MTRFR: variants seen among roughly 807,000 people sequenced by gnomAD.
MTRFR encodes probable peptide chain release factor C12orf65, mitochondrial.
MTRFR carries 10 observed loss-of-function variants against 11.9 expected under a neutral mutation model. That is an observed-to-expected ratio of 0.84 (90% CI 0.52 to 1.42). MTRFR has a LOEUF of 1.42. Ranked by LOEUF, MTRFR falls within the 40% of genes most tolerant of loss-of-function variation. The pLI, the probability that MTRFR is intolerant of heterozygous loss-of-function variation, is 0.00. For synonymous variants in MTRFR, 77 were observed against 79.1 expected (o/e 0.97, Z 0.14); for missense variants, 196 against 197.9 (o/e 0.99, Z 0.06).
At chr12:123,234,716 G>A (rs2047811091) in intron 1 of MTRFR, among the ~76,000 whole-genome samples, 1 of 152,140 alleles carries the variant, frequency 6.6e-6, no homozygotes, top group African/African-American at 2.4e-5. Flanking sequence ...GGGTAAATTT[G>A]ATGTTATCCT....
At chr12:123,240,815 C>T (rs1453042630) in intron 1 of MTRFR, 1 of 148,822 alleles carries the variant, frequency 6.7e-6, no homozygotes, top group Non-Finnish European at 1.5e-5. Flanking sequence ...CTCACCACAA[C>T]CTCCGACTCC....
intron 1 of MTRFR, among the ~76,000 whole-genome samples, chr12:123,247,983 C>A (rs982224157): frequency 5.3e-5 from 8 of 151,782 alleles, no homozygotes; most frequent in African/African-American, 7.3e-5. Flanking sequence ...CCATTGCATT[C>A]ATTGTGCTCT....
At chr12:123,254,047 G>A (rs1259908324) in intron 2 of MTRFR, 91 bp downstream of exon 2, 24 of 1,494,994 alleles carry the variant, frequency 1.6e-5, no homozygotes, top group Admixed American at 9.6e-5. Context: ...GGGATCAGCC[G>A]AAGTGCATTA....
intron 1 of MTRFR, among the ~76,000 whole-genome samples, chr12:123,239,067 C>T (rs961359257): frequency 6.6e-6 from 1 of 152,138 alleles, no homozygotes; most frequent in South Asian, 2.1e-4. Flanking sequence ...GTTTGAGTTC[C>T]AGACCAGCCA....
At position 123,253,107 on chromosome 12, in the gene MTRFR, T is replaced by TTTTTTTTTTTTTTTTTTTTG. The variant is rs766114484; in HGVS notation, c.-28-540_-28-539insTTTTTTTTTTTTTTTTTTTG. Among the ~76,000 whole-genome samples the TTTTTTTTTTTTTTTTTTTTG allele has an allele frequency of 1.1e-3, 71 of 63,358 alleles. 22 individuals carry two copies. Among genetic ancestry groups the TTTTTTTTTTTTTTTTTTTTG allele is most frequent in the Non-Finnish European group, 2.1e-3 (63 of 29,410 alleles). 41.6% of individuals were successfully genotyped at this position (63,358 alleles called of 152,430 possible). A position where few individuals can be genotyped will look rare whatever the true frequency, so the allele number is the denominator to read the frequency against. On this transcript the variant is annotated intron_variant, in intron 1 of 2. Coordinates refer to ENST00000253233, the MANE Select transcript of MTRFR (RefSeq NM_152269.5). The stretch of plus-strand genomic sequence containing the variant: ...TTTTTTTTTTTTTTTTTTTTTTTTT[T>TTTTTTTTTTTTTTTTTTTTG]GAGACACTGTCTCGCTCTGTTGTCC...
chr12:123,248,324 G>C (rs2048069768), intron 1 of MTRFR: 1 of 152,228 alleles, frequency 6.6e-6, no homozygotes, highest in Admixed American at 6.5e-5. Context: ...TGTTTCTCCT[G>C]AGAAATCTGC....
At chr12:123,244,190 T>G (rs2047997103) in intron 1 of MTRFR, among the ~76,000 whole-genome samples, 1 of 152,164 alleles carries the variant, frequency 6.6e-6, no homozygotes, top group Admixed American at 6.5e-5. Context: ...CCCAGCACTT[T>G]GGGAGGCTGA....
intron 2 of MTRFR, chr12:123,254,167 G>A: frequency 1.7e-6 from 1 of 588,692 alleles, no homozygotes; most frequent in Non-Finnish European, 3.0e-6. Flanking sequence ...CAACAGCCTG[G>A]GAAGCCTGTT....
rs758700066 is a variant in MTRFR at position 123,256,793 on chromosome 12, T to TAAAA, written c.283-19_283-16dup. 1.2e-4 allele frequency: 191 copies of TAAAA among 1,590,298 alleles called. No homozygotes were observed. The highest frequency in any genetic ancestry group is 1.1e-3 in the Admixed American group (65 of 59,916). On this transcript the variant is annotated intron_variant, in intron 2 of 2. Coordinates refer to ENST00000253233, the MANE Select transcript of MTRFR (RefSeq NM_152269.5). Reference sequence around the variant, plus strand: ...TTAACATCCTGTGGTTTTCACATTATAAAATATTATCTCTTACAGTGCCAT... The same window carrying TAAAA: ...TTAACATCCTGTGGTTTTCACATTATAAAAAAAATATTATCTCTTACAGTGCCAT...
In MTRFR at chr12:123,244,799, A is replaced by G. The variant is rs969038510; in HGVS notation, c.-28-8848A>G. 7.3e-5 allele frequency among the ~76,000 whole-genome samples: 11 copies of G among 150,942 alleles called. No individual in the cohort carries two copies. In the East Asian group the frequency reaches 2.0e-3, roughly 27 times the overall value. On this transcript the variant is annotated intron_variant, in intron 1 of 2. Coordinates refer to ENST00000253233, the MANE Select transcript of MTRFR (RefSeq NM_152269.5). ...AGGTGCGTGCCAACACACCTGGCTAATTTTTGTATTTTTAGTAGAGATGGG... is the reference window on the plus strand; with the variant it reads ...AGGTGCGTGCCAACACACCTGGCTAGTTTTTGTATTTTTAGTAGAGATGGG...
chr12:123,242,799 T>A (rs980462736), intron 1 of MTRFR, among the ~76,000 whole-genome samples: 11 of 152,224 alleles, frequency 7.2e-5, no homozygotes, highest in African/African-American at 2.4e-4. Flanking sequence ...CGCCTTGCCT[T>A]GGAATCACTT....
intron 1 of MTRFR, among the ~76,000 whole-genome samples, chr12:123,243,545 A>C (rs2138762792): frequency 6.6e-6 from 1 of 150,492 alleles, no homozygotes; most frequent in East Asian, 1.9e-4. Context: ...AAAAAAAAAA[A>C]AATACAAAAA....
chr12:123,244,593 TGAAAG>T (rs920936684), intron 1 of MTRFR, among the ~76,000 whole-genome samples: 9 of 152,170 alleles, frequency 5.9e-5, no homozygotes, highest in African/African-American at 2.2e-4. Context: ...CCTCAAGCCT[TGAAAG>T]GAATCAACAA....
chr12:123,251,789 C>T (rs2048114911), intron 1 of MTRFR, among the ~76,000 whole-genome samples: 1 of 152,192 alleles, frequency 6.6e-6, no homozygotes, highest in Non-Finnish European at 1.5e-5. Context: ...AGCTAAAATT[C>T]ACAATGCAAG....
In MTRFR at chr12:123,257,564, C is replaced by T. The variant is rs1200443017; in HGVS notation, c.*533C>T. The T allele has an allele frequency of 4.4e-5, 7 of 158,908 alleles. No individual in the cohort carries two copies. Among genetic ancestry groups the T allele is most frequent in the East Asian group, 1.9e-4 (1 of 5,364 alleles). 9.8% of individuals were successfully genotyped at this position (158,908 alleles called of 1,614,324 possible). A position where few individuals can be genotyped will look rare whatever the true frequency, so the allele number is the denominator to read the frequency against. On this transcript the variant is annotated 3_prime_UTR_variant, in exon 3 of 3. Transcript: ENST00000253233. ...AAACTAGTTCAAGTGCAATGACACA[C>T]GCCTATAATCCCAGCACCTTGGGAG... is the stretch of plus-strand genomic sequence containing the variant.
At chr12:123,243,050 G>C (rs1436302785) in intron 1 of MTRFR, among the ~76,000 whole-genome samples, 1 of 152,174 alleles carries the variant, frequency 6.6e-6, no homozygotes, top group Non-Finnish European at 1.5e-5. Context: ...GTGATTCTTA[G>C]AGAGAGTTCA....
At chr12:123,245,201 G>T (rs1394116087) in intron 1 of MTRFR, among the ~76,000 whole-genome samples, 1 of 152,120 alleles carries the variant, frequency 6.6e-6, no homozygotes, top group Non-Finnish European at 1.5e-5. Context: ...CTCCCAAAGT[G>T]CTGGGATTAC....
intron 1 of MTRFR, among the ~76,000 whole-genome samples, chr12:123,237,057 G>C (rs1240442527): frequency 6.6e-6 from 1 of 151,844 alleles, no homozygotes; most frequent in Non-Finnish European, 1.5e-5. Context: ...TGCAGTCCAG[G>C]CTGGGTGACA....
At chr12:123,239,420 T>C (rs931998345) in intron 1 of MTRFR, among the ~76,000 whole-genome samples, 1 of 152,054 alleles carries the variant, frequency 6.6e-6, no homozygotes, top group African/African-American at 2.4e-5. Context: ...GTTTGTTTTT[T>C]TGAGACAGAG....
Sources: gnomAD v4.1 joint callset for allele counts (sites outside exome capture counted in the v4.1 genomes callset) on GRCh38, gnomAD v4.1.1 for gene constraint, MANE v1.5 for transcripts, NCBI Gene and HGNC (gene_info 2026-07-23, HGNC 2026-07-21) for gene names.